BUB1: variants seen among roughly 807,000 people sequenced by gnomAD.
BUB1 encodes the protein BUB1 mitotic checkpoint serine/threonine kinase, also known as mitotic checkpoint serine/threonine-protein kinase BUB1.
A neutral mutation model predicts 135.2 loss-of-function variants in BUB1; 84 were observed. The observed-to-expected ratio is 0.62, with a 90% CI of 0.52 to 0.74. BUB1 has a LOEUF of 0.74. BUB1 is among the 30% of genes least tolerant of loss of function. BUB1 has a pLI of 0.00. For missense variants in BUB1, 1,162 were observed against 1,288.3 expected (o/e 0.90, Z 1.50); for synonymous variants, 403 against 434.4 (o/e 0.93, Z 0.90).
intron 22 of BUB1, 25 bp from the exon 23 acceptor site, chr2:110,641,230 G>GGCT (rs1225448328): frequency 8.2e-6 from 13 of 1,587,570 alleles, no homozygotes; most frequent in Non-Finnish European, 1.0e-5. Flanking sequence ...AACAAAGCCA[G>GGCT]GCTGCATGAG....
At chr2:110,656,916 T>C in intron 15 of BUB1, 120 bp downstream of exon 15, 1 of 575,612 alleles carries the variant, frequency 1.7e-6, no homozygotes, top group Non-Finnish European at 2.9e-6. Context: ...ATTCTTCCTA[T>C]GTTTCATAGT....
chr2:110,670,142 T>G (rs1008395834), intron 5 of BUB1, among the ~76,000 whole-genome samples: 5 of 144,114 alleles, frequency 3.5e-5, no homozygotes, highest in African/African-American at 1.3e-4. Flanking sequence ...TTTTTTTTTT[T>G]TTTTTTTTTT....
At chr2:110,663,149 G>A (rs145871408) in intron 9 of BUB1, among the ~76,000 whole-genome samples, 50 of 151,936 alleles carry the variant, frequency 3.3e-4, no homozygotes, top group African/African-American at 1.2e-3. Flanking sequence ...GCATGGTGGC[G>A]GGCGCCTGTA....
chr2:110,659,320 T>C (rs1690016400), intron 11 of BUB1, among the ~76,000 whole-genome samples: 1 of 152,192 alleles, frequency 6.6e-6, no homozygotes, highest in African/African-American at 2.4e-5. Context: ...CTTTAGCCCT[T>C]TACCCAAATA....
At chr2:110,649,077 C>G (rs1467310180) in intron 19 of BUB1, 157 bp downstream of exon 19, 2 of 609,986 alleles carry the variant, frequency 3.3e-6, no homozygotes, top group East Asian at 6.1e-5. Flanking sequence ...ACAATCATGG[C>G]TTAACAAAAT....
chr2:110,641,251 G>A (rs1445928948), intron 22 of BUB1, 46 bp from the exon 23 acceptor site: 3 of 1,585,200 alleles, frequency 1.9e-6, no homozygotes, highest in Middle Eastern at 1.7e-4. Flanking sequence ...CACAAATGAT[G>A]AAAGGCTGCT....
In BUB1 at chr2:110,641,716, T is replaced by C; in HGVS notation, c.2551A>G (p.Lys851Glu). ...TGGAATAAGTGGGCAGAATAGAACT[T>C]CATAAACATGTGCTGCATAGATGGC... ...LKPSMQHMFM[K>E]FYSAHLFQNG... Residue 851 changes from lysine to glutamate, a missense_variant, in exon 21 of 25, where the codon AAG becomes GAG. By Grantham distance (56) the Lys-to-Glu change is moderately conservative. Transcript: ENST00000302759. 2.0e-5 allele frequency: 32 copies of C among 1,613,032 alleles called. No homozygotes were observed. Among genetic ancestry groups the C allele is most frequent in the Non-Finnish European group, 2.5e-5 (30 of 1,179,974 alleles).
At chr2:110,670,500 G>C in intron 5 of BUB1, 25 bp downstream of exon 5, 1 of 1,612,152 alleles carries the variant, frequency 6.2e-7, no homozygotes, top group Non-Finnish European at 8.5e-7. Context: ...GACAACAACA[G>C]GCATTTTAGA....
chr2:110,656,496 T>C (rs921162061), intron 15 of BUB1, among the ~76,000 whole-genome samples: 15 of 152,182 alleles, frequency 9.9e-5, no homozygotes, highest in African/African-American at 3.6e-4. Context: ...CCTACACAGT[T>C]TGGGCTTATT....
chr2:110,670,489 GGAC>G, intron 5 of BUB1, 33 bp downstream of exon 5: 1 of 1,608,570 alleles, frequency 6.2e-7, no homozygotes, highest in Non-Finnish European at 8.5e-7. Flanking sequence ...AAGACTAAAT[GGAC>G]AACAACAGGC....
intron 18 of BUB1, 107 bp downstream of exon 18, chr2:110,650,439 G>A: frequency 1.0e-6 from 1 of 997,988 alleles, no homozygotes; most frequent in South Asian, 1.5e-5. Flanking sequence ...ACTGACATCT[G>A]TTCTACTCAG....
At chr2:110,669,594 T>TA (rs748276360) in intron 5 of BUB1, 41 bp from the exon 6 acceptor site, 2 of 1,300,272 alleles carry the variant, frequency 1.5e-6, no homozygotes, top group African/African-American at 2.9e-5. Flanking sequence ...AAATTAAGGG[T>TA]AAAACCGTAA....
intron 17 of BUB1, among the ~76,000 whole-genome samples, 188 bp from the exon 18 acceptor site, chr2:110,650,972 G>A (rs893349853): frequency 6.6e-6 from 1 of 152,038 alleles, no homozygotes; most frequent in African/African-American, 2.4e-5. Flanking sequence ...AATATGAACA[G>A]AAATAATAAA....
intron 1 of BUB1, among the ~76,000 whole-genome samples, chr2:110,674,739 T>G (rs1690525596): frequency 6.6e-6 from 1 of 152,208 alleles, no homozygotes; most frequent in Admixed American, 6.5e-5. Context: ...AGCATGGCAC[T>G]GACTCAGACT....
At position 110,658,675 on chromosome 2, in the gene BUB1, C is replaced by T. The variant is rs976400940; in HGVS notation, c.1344G>A (p.Met448Ile). ...GCACTTTGGATGGCGTTGCCTGAAC[C>T]ATTCCCAGTGATGTGTTTGGAGTTG... ...FHTTPNTSLGMVQATPSKVQP... is the reference protein window; with the variant it reads ...FHTTPNTSLGIVQATPSKVQP... Residue 448 changes from methionine to isoleucine, a missense_variant, in exon 12 of 25, where the codon ATG (methionine) becomes ATA (isoleucine). By Grantham distance (10) the Met-to-Ile change is conservative (BLOSUM62 1). Transcript: ENST00000302759. 1 of 1,614,196 alleles carries T rather than the reference C, an allele frequency of 6.2e-7. No individual in the cohort carries two copies. The highest frequency in any genetic ancestry group is 1.1e-5 in the South Asian group (1 of 91,078).
At chr2:110,658,556 CA>C (rs1251011655) in intron 12 of BUB1, 36 bp from the exon 13 acceptor site, 1 of 1,613,670 alleles carries the variant, frequency 6.2e-7, no homozygotes, top group Non-Finnish European at 8.5e-7. Flanking sequence ...AAACAGGTTG[CA>C]AAAGAGCTTT....
chr2:110,658,317 CA>C, intron 13 of BUB1, 92 bp downstream of exon 13: 1 of 1,015,720 alleles, frequency 9.8e-7, no homozygotes, highest in South Asian at 1.7e-5. Context: ...ACAAGCTAAT[CA>C]AGGGCAGGGT....
rs1376818526 is a variant in BUB1 at position 110,648,517 on chromosome 2, A to G, written c.2347+717T>C. On this transcript the variant is annotated intron_variant, in intron 19 of 24. Transcript: ENST00000302759. This position sits in a 1 kb window ranked among gnomAD's most constrained non-coding sequence, Gnocchi z 4.2. ...TCGTAAAAAACCCCACAGGATATAC[A>G]ACCCAAAGAGTGAACCCTAATGTAA... Among the ~76,000 whole-genome samples the G allele has an allele frequency of 6.6e-6, 1 of 152,202 alleles. No homozygotes were observed. The highest frequency in any genetic ancestry group is 1.5e-5 in the Non-Finnish European group (1 of 68,032).
chr2:110,667,869 C>G lies in BUB1; in HGVS notation c.568-20G>C. 1 of 1,608,212 alleles carries G rather than the reference C, an allele frequency of 6.2e-7. No individual in the cohort carries two copies. The highest frequency in any genetic ancestry group is 1.1e-5 in the South Asian group (1 of 89,532). On this transcript the variant is annotated intron_variant, in intron 6 of 24. Coordinates refer to ENST00000302759, the MANE Select transcript of BUB1 (RefSeq NM_004336.5). ...TGAACCCTAAAAAACAGAAAACAAA[C>G]ATGAGCATTCACTTATCTGAGAAGA...
Sources: allele counts gnomAD v4.1 joint callset (sites outside exome capture counted in the v4.1 genomes callset), GRCh38; gene constraint gnomAD v4.1.1; non-coding constraint Gnocchi (gnomAD v3.1); transcripts MANE v1.5; gene names NCBI Gene and HGNC (gene_info 2026-07-23, HGNC 2026-07-21).